PAX3: variants seen among roughly 807,000 people sequenced by gnomAD.
PAX3 encodes paired box 3.
Under a neutral mutation model 51.6 loss-of-function variants are expected in PAX3, and 14 were observed. That is an observed-to-expected ratio of 0.27 (90% CI 0.18 to 0.42). The LOEUF (loss-of-function observed/expected upper bound fraction) is 0.42, where lower values mean the gene tolerates loss of function less well. Ranked by LOEUF, PAX3 falls within the 10% of genes least tolerant of loss-of-function variation. The probability of loss-of-function intolerance (pLI) is 1.00; values close to 1 mark genes in which losing one functional copy is unlikely to be tolerated. For missense variants in PAX3, 540 were observed against 642.8 expected (o/e 0.84, Z 1.73); for synonymous variants, 280 against 253.4 (o/e 1.11, Z -1.00).
chr2:222,220,315 G>A lies in PAX3; in HGVS notation c.998C>T (p.Pro333Leu), dbSNP rs551614431. ...DPSSTVHRPQ[P>L]LPPSTVHQST... is the part of the protein sequence containing the mutation. ...TTGGTGTACAGTGCTTGGAGGAAGC[G>A]GTTGAGGTCTGTGAACGGTGCTGCT... is the stretch of plus-strand genomic sequence containing the variant. The change falls in exon 7 of 9, where the codon CCG (proline) becomes CTG (leucine). Residue 333 changes from proline to leucine, a missense_variant. Pro to Leu is a moderately conservative substitution (Grantham distance 98, BLOSUM62 -3). Transcript: ENST00000392070. 1.9e-5 allele frequency: 30 copies of A among 1,614,018 alleles called. No homozygotes were observed. The highest frequency in any genetic ancestry group is 4.4e-5 in the South Asian group (4 of 91,070).
chr2:222,263,349 A>G (rs989181002), intron 4 of PAX3: 3 of 152,218 alleles, frequency 2.0e-5, no homozygotes, highest in African/African-American at 7.2e-5. Context: ...ATGGTTGGCA[A>G]ATAAGGACAT....
intron 4 of PAX3, among the ~76,000 whole-genome samples, chr2:222,290,030 AT>A (rs1435858645): frequency 6.6e-6 from 1 of 152,030 alleles, no homozygotes; most frequent in Non-Finnish European, 1.5e-5. Flanking sequence ...ATTTTAATCT[AT>A]GGGAAAGTTC....
At chr2:222,256,984 A>G (rs1349450301) in intron 4 of PAX3, among the ~76,000 whole-genome samples, 1 of 152,270 alleles carries the variant, frequency 6.6e-6, no homozygotes, top group Non-Finnish European at 1.5e-5. Context: ...GACAATAAAT[A>G]TAATCAATAC....
intron 5 of PAX3, among the ~76,000 whole-genome samples, chr2:222,224,362 AC>A (rs1162187612): frequency 3.3e-5 from 5 of 152,184 alleles, no homozygotes; most frequent in African/African-American, 1.2e-4. Flanking sequence ...TCCTAAGAGA[AC>A]CAGGGCTTAG....
intron 4 of PAX3, among the ~76,000 whole-genome samples, chr2:222,244,295 C>T (rs1367053583): frequency 6.6e-6 from 1 of 152,116 alleles, no homozygotes; most frequent in Non-Finnish European, 1.5e-5. Flanking sequence ...GGTGATGTGT[C>T]CTACTGCTTA....
chr2:222,257,231 A>G (rs142830131), intron 4 of PAX3, among the ~76,000 whole-genome samples: 59 of 151,714 alleles, frequency 3.9e-4, no homozygotes, highest in Non-Finnish European at 7.8e-4. Flanking sequence ...CCTTCAGATA[A>G]GTTTCTGTTC....
At chr2:222,267,637 C>T (rs993760717) in intron 4 of PAX3, among the ~76,000 whole-genome samples, 4 of 151,512 alleles carry the variant, frequency 2.6e-5, no homozygotes, top group African/African-American at 9.7e-5. Flanking sequence ...GTATTTTTTC[C>T]CAAGACACCT....
rs1489496605 is a variant in PAX3 at position 222,200,042 on chromosome 2, T to C, written c.*1366A>G. ...CACCCTCTAAGACCAATGCATGAACTAAATTCGGTACTATGTCTAGTCTCA... is the reference window on the plus strand; with the variant it reads ...CACCCTCTAAGACCAATGCATGAACCAAATTCGGTACTATGTCTAGTCTCA... On this transcript the variant is annotated 3_prime_UTR_variant, in exon 9 of 9. Coordinates refer to ENST00000392070, the MANE Select transcript of PAX3 (RefSeq NM_181458.4). The C allele has an allele frequency of 4.8e-6, 1 of 207,154 alleles. No individual in the cohort carries two copies. The highest frequency in any genetic ancestry group is 9.9e-6 in the Non-Finnish European group (1 of 101,292). The allele number at this position is 207,154 out of a possible 1,614,324, so 12.8% of individuals were successfully genotyped here.
chr2:222,286,144 G>A lies in PAX3; in HGVS notation c.586+8023C>T, dbSNP rs752397157. On this transcript the variant is annotated intron_variant, in intron 4 of 8. Coordinates refer to ENST00000392070, the MANE Select transcript of PAX3 (RefSeq NM_181458.4). ...GTAGAGACAAGGTTTCATCATGTTG[G>A]CCAGGCTGGTCTCAAACTCCTAACC... Among the ~76,000 whole-genome samples the A allele has an allele frequency of 2.0e-4, 30 of 152,122 alleles. 1 individual carries two copies. The highest frequency in any genetic ancestry group is 3.2e-4 in the Non-Finnish European group (22 of 68,026).
chr2:222,285,563 A>T (rs140235206), intron 4 of PAX3, among the ~76,000 whole-genome samples: 14 of 152,364 alleles, frequency 9.2e-5, no homozygotes, highest in African/African-American at 3.1e-4. Flanking sequence ...TAGACTTTCT[A>T]TTTAAAATGC....
chr2:222,273,425 T>G (rs1694318164), intron 4 of PAX3, among the ~76,000 whole-genome samples: 1 of 152,240 alleles, frequency 6.6e-6, no homozygotes, highest in Non-Finnish European at 1.5e-5. Flanking sequence ...GGTACCTTTA[T>G]GCCAACAGCT....
chr2:222,263,281 T>C (rs1045585054), intron 4 of PAX3: 2 of 152,092 alleles, frequency 1.3e-5, no homozygotes, highest in Admixed American at 1.3e-4. Flanking sequence ...AACAAAATAT[T>C]TAACAATTTT....
At chr2:222,238,773 G>T (rs1482598693) in intron 4 of PAX3, among the ~76,000 whole-genome samples, 2 of 152,132 alleles carry the variant, frequency 1.3e-5, no homozygotes, top group East Asian at 3.8e-4. Flanking sequence ...ATAAAAATAA[G>T]AATCCTTCCT....
At chr2:222,280,285 AAGAG>A (rs879701117) in intron 4 of PAX3, among the ~76,000 whole-genome samples, 75 of 131,680 alleles carry the variant, frequency 5.7e-4, no homozygotes, top group Admixed American at 1.5e-3. Flanking sequence ...GAAGGAGAGA[AAGAG>A]AGAGAGAGAG....
intron 4 of PAX3, among the ~76,000 whole-genome samples, chr2:222,261,425 T>C (rs1693857108): frequency 1.3e-5 from 2 of 152,142 alleles, no homozygotes; most frequent in South Asian, 4.1e-4. Flanking sequence ...CTAGCACACA[T>C]GTCAATTTGT....
In PAX3 at chr2:222,228,871, C is replaced by T. The variant is rs183369488; in HGVS notation, c.792+3207G>A. 2.7e-3 allele frequency among the ~76,000 whole-genome samples: 417 copies of T among 152,180 alleles called. 1 individual carries two copies. Among genetic ancestry groups the T allele is most frequent in the African/African-American group, 9.7e-3 (404 of 41,520 alleles). Reference sequence around the variant, plus strand: ...GAAGAATCACTTGAGCTTGGAAGATCGAGGCTACACAGTGAGCCATGATTA... The same window carrying T: ...GAAGAATCACTTGAGCTTGGAAGATTGAGGCTACACAGTGAGCCATGATTA... On this transcript the variant is annotated intron_variant, in intron 5 of 8. Coordinates refer to ENST00000392070, the MANE Select transcript of PAX3 (RefSeq NM_181458.4).
chr2:222,297,287 T>A, intron 1 of PAX3, 74 bp from the exon 2 acceptor site: 1 of 1,194,936 alleles, frequency 8.4e-7, no homozygotes, highest in Non-Finnish European at 1.2e-6. Context: ...CAGCAGCACG[T>A]AATTTCGCAG....
Position 222,201,300 on chromosome 2 carries a change from C to CG in PAX3, c.*107_*108insC, listed in dbSNP as rs1331390414. 8 of 1,610,372 alleles carry CG rather than the reference C, an allele frequency of 5.0e-6. No individual in the cohort carries two copies. The African/African-American group carries it at 5.4e-5, about 11-fold the overall frequency. On this transcript the variant is annotated 3_prime_UTR_variant, in exon 9 of 9. Transcript: ENST00000392070. ...TCTCCTATTGGGACCACTGCCCCAC[C>CG]CCCCCCAACAAAAGGGTAATTTTTT...
intron 4 of PAX3, chr2:222,264,009 T>A (rs1219076276): frequency 6.6e-6 from 1 of 151,808 alleles, no homozygotes; most frequent in Non-Finnish European, 1.5e-5. Flanking sequence ...CAAAGCGAGG[T>A]TTTTGGAGTG....
Sources: gnomAD v4.1 joint callset for allele counts (sites outside exome capture counted in the v4.1 genomes callset) on GRCh38, gnomAD v4.1.1 for gene constraint, MANE v1.5 for transcripts, NCBI Gene and HGNC (gene_info 2026-07-23, HGNC 2026-07-21) for gene names.